EXOC4: variants seen among roughly 807,000 people sequenced by gnomAD.
EXOC4 encodes the protein SEC8-like 1.
Under a neutral mutation model 107.2 loss-of-function variants are expected in EXOC4, and 71 were observed. That is an observed-to-expected ratio of 0.66 (90% CI 0.55 to 0.81). EXOC4 has a LOEUF of 0.81. EXOC4 is among the 30% of genes least tolerant of loss of function. EXOC4 has a pLI of 0.00. For synonymous variants in EXOC4, 456 were observed against 441.2 expected (o/e 1.03, Z -0.42); for missense variants, 1,108 against 1,189.6 (o/e 0.93, Z 1.01).
intron 10 of EXOC4, among the ~76,000 whole-genome samples, chr7:133,663,164 C>T (rs534133835): frequency 1.3e-5 from 2 of 152,252 alleles, no homozygotes; most frequent in South Asian, 2.1e-4. Context: ...TGATGTGGCT[C>T]ACTGGTATAT....
intron 6 of EXOC4, among the ~76,000 whole-genome samples, chr7:133,359,746 A>G (rs1327591378): frequency 6.6e-6 from 1 of 152,206 alleles, no homozygotes; most frequent in Non-Finnish European, 1.5e-5. Context: ...CTATTTTGCT[A>G]GAAATGTAGA....
chr7:133,674,769 A>C (rs563847448), intron 10 of EXOC4, among the ~76,000 whole-genome samples: 1 of 152,306 alleles, frequency 6.6e-6, no homozygotes, highest in East Asian at 1.9e-4. Context: ...TACTATAATA[A>C]ATAATAGGTC....
At chr7:133,747,636 TGTTG>T (rs535580307) in intron 10 of EXOC4, among the ~76,000 whole-genome samples, 190 of 152,294 alleles carry the variant, frequency 1.2e-3, no homozygotes, top group African/African-American at 4.2e-3. Flanking sequence ...TTGAAGTGTA[TGTTG>T]GTAAAATGAT....
intron 10 of EXOC4, among the ~76,000 whole-genome samples, chr7:133,647,103 G>A (rs1803012112): frequency 6.6e-6 from 1 of 152,090 alleles, no homozygotes; most frequent in African/African-American, 2.4e-5. Flanking sequence ...ATGTTTGACG[G>A]CACGCAAACA....
At chr7:133,698,936 G>A (rs1246770779) in intron 10 of EXOC4, among the ~76,000 whole-genome samples, 2 of 139,658 alleles carry the variant, frequency 1.4e-5, no homozygotes, top group African/African-American at 5.4e-5. Flanking sequence ...TGCTTTGCAA[G>A]TTCTATAGCA....
At chr7:133,253,279 C>T in intron 1 of EXOC4, 92 bp downstream of exon 1, 1 of 1,471,516 alleles carries the variant, frequency 6.8e-7, no homozygotes, top group Non-Finnish European at 9.0e-7. Flanking sequence ...TCCCACCCTG[C>T]TCTCCCCTTT....
intron 14 of EXOC4, among the ~76,000 whole-genome samples, chr7:133,957,806 A>G (rs2971966): frequency 0.7 from 106,342 of 152,138 alleles, 37,582 homozygotes; most frequent in East Asian, 0.91. Flanking sequence ...ATAGCTATTA[A>G]CTCAAATTCA....
At chr7:133,888,315 A>G (rs997046836) in intron 11 of EXOC4, among the ~76,000 whole-genome samples, 2 of 152,210 alleles carry the variant, frequency 1.3e-5, no homozygotes, top group East Asian at 1.9e-4. Context: ...TTCATAGTTC[A>G]CTGTCAAGAC....
chr7:133,890,529 T>G, intron 11 of EXOC4, among the ~76,000 whole-genome samples: 1 of 142,410 alleles, frequency 7.0e-6, no homozygotes, highest in Non-Finnish European at 1.5e-5. Flanking sequence ...AATTTCTAGG[T>G]TTTCTTCTAG....
At chr7:133,898,468 C>T (rs964934881) in intron 12 of EXOC4, among the ~76,000 whole-genome samples, 5 of 151,916 alleles carry the variant, frequency 3.3e-5, no homozygotes, top group Admixed American at 6.6e-5. Context: ...AACTTAGGCC[C>T]GATGCAGTGG....
chr7:133,986,940 G>C (rs1172904417), intron 14 of EXOC4, among the ~76,000 whole-genome samples: 2 of 152,168 alleles, frequency 1.3e-5, no homozygotes, highest in African/African-American at 4.8e-5. Flanking sequence ...AAGTTAGATG[G>C]AGGGGCTCCT....
At chr7:133,413,338 A>G (rs1410222929) in intron 7 of EXOC4, among the ~76,000 whole-genome samples, 1 of 152,082 alleles carries the variant, frequency 6.6e-6, no homozygotes, top group African/African-American at 2.4e-5. Flanking sequence ...AGGACTTACC[A>G]GGGGGCATTC....
intron 9 of EXOC4, among the ~76,000 whole-genome samples, chr7:133,493,241 A>G (rs1341466879): frequency 6.6e-6 from 1 of 152,176 alleles, no homozygotes; most frequent in Non-Finnish European, 1.5e-5. Flanking sequence ...CCTGGCCAAC[A>G]TGGTGAAGTC....
chr7:133,896,817 C>T, intron 12 of EXOC4, among the ~76,000 whole-genome samples: 1 of 132,726 alleles, frequency 7.5e-6, no homozygotes, highest in Non-Finnish European at 1.6e-5. Flanking sequence ...AGGTGCGCGC[C>T]ACCATGTCTG....
intron 1 of EXOC4, among the ~76,000 whole-genome samples, chr7:133,255,628 A>G (rs1167924870): frequency 6.6e-6 from 1 of 152,222 alleles, no homozygotes; most frequent in Non-Finnish European, 1.5e-5. Context: ...TGACCTTAAG[A>G]CCGAATGGTG....
intron 7 of EXOC4, among the ~76,000 whole-genome samples, chr7:133,420,945 A>C (rs1797590370): frequency 6.6e-6 from 1 of 151,060 alleles, no homozygotes. Context: ...GAGAGTTTGT[A>C]ATTTCCTAAC....
chr7:133,369,277 C>T (rs971522129), intron 6 of EXOC4, among the ~76,000 whole-genome samples: 1 of 152,164 alleles, frequency 6.6e-6, no homozygotes, highest in Non-Finnish European at 1.5e-5. Context: ...AGAGGAGCGT[C>T]GTCTTCCTTT....
chr7:133,858,433 G>GA (rs1798465417), intron 11 of EXOC4, among the ~76,000 whole-genome samples: 1 of 152,076 alleles, frequency 6.6e-6, no homozygotes, highest in Admixed American at 6.6e-5. Context: ...GGTGGACCTG[G>GA]AAAAAGCACC....
At chr7:133,447,444 G>A (rs1457266112) in intron 7 of EXOC4, 1 of 151,738 alleles carries the variant, frequency 6.6e-6, no homozygotes, top group Non-Finnish European at 1.5e-5. Context: ...TAGAAAATTT[G>A]GAAAATACAG....
Sources: allele counts gnomAD v4.1 joint callset (sites outside exome capture counted in the v4.1 genomes callset), GRCh38; gene constraint gnomAD v4.1.1; transcripts MANE v1.5; gene names NCBI Gene and HGNC (gene_info 2026-07-23, HGNC 2026-07-21).